The following MTA3 variants were observed in gnomAD, a reference collection of about 807,000 sequenced individuals.
The protein encoded by MTA3 is metastasis-associated protein MTA3.
MTA3 carries 34 observed loss-of-function variants against 83.5 expected under a neutral mutation model. That is an observed-to-expected ratio of 0.41 (90% CI 0.31 to 0.54). The LOEUF is 0.54. MTA3 is among the 20% of genes least tolerant of loss of function. The pLI, the probability that MTA3 is intolerant of heterozygous loss-of-function variation, is 0.33. For missense variants in MTA3, 761 were observed against 726.4 expected, an observed-to-expected ratio of 1.05 and a Z score of -0.55; for synonymous variants, 303 against 252.7, an observed-to-expected ratio of 1.20 and a Z score of -1.89.
In MTA3 at chr2:42,695,854, A is replaced by T; in HGVS notation, c.966+15A>T. The stretch of plus-strand genomic sequence containing the variant: ...ATGTGCAACAGGTAATTTTTTTCAT[A>T]TTGCTACCAATATGGTTGCATTTAA... On this transcript the variant is annotated intron_variant, in intron 10 of 16. Transcript: ENST00000405094. The T allele has an allele frequency of 6.7e-7, 1 of 1,490,964 alleles. No individual in the cohort carries two copies. Among genetic ancestry groups the T allele is most frequent in the Admixed American group, 2.0e-5 (1 of 50,148 alleles). The allele number at this position is 1,490,964 out of a possible 1,614,324, so 92.4% of individuals were successfully genotyped here. A position where few individuals can be genotyped will look rare whatever the true frequency, so the allele number is the denominator to read the frequency against.
chr2:42,594,728 A>ACATATTTTT (rs1681523809), intron 3 of MTA3, among the ~76,000 whole-genome samples: 1 of 24,044 alleles, frequency 4.2e-5, no homozygotes, highest in Non-Finnish European at 6.5e-5. Context: ...ATATATATAT[A>ACATATTTTT]TTTTTTTTTT....
intron 2 of MTA3, among the ~76,000 whole-genome samples, chr2:42,525,958 C>A (rs553226443): frequency 6.6e-6 from 1 of 151,816 alleles, no homozygotes; most frequent in South Asian, 2.1e-4. Context: ...CCGCGCCTGC[C>A]CTAGCACTTC....
At chr2:42,652,022 G>A (rs540671454) in intron 6 of MTA3, among the ~76,000 whole-genome samples, 102 of 152,180 alleles carry the variant, frequency 6.7e-4, no homozygotes, top group Middle Eastern at 3.4e-3. Context: ...ACTTGAACCC[G>A]GGAGGTGGAA....
At chr2:42,531,620 T>C (rs1183121325) in intron 2 of MTA3, among the ~76,000 whole-genome samples, 2 of 145,980 alleles carry the variant, frequency 1.4e-5, no homozygotes, top group African/African-American at 5.1e-5. Flanking sequence ...ACCCAGCTAA[T>C]TTTGGTATTT....
At chr2:42,538,519 C>A (rs1435711046) in intron 2 of MTA3, among the ~76,000 whole-genome samples, 1 of 151,768 alleles carries the variant, frequency 6.6e-6, no homozygotes, top group African/African-American at 2.4e-5. Flanking sequence ...ACCAGCCTGG[C>A]CAACATGGTG....
chr2:42,635,316 T>A (rs1687078274), intron 4 of MTA3, among the ~76,000 whole-genome samples: 1 of 152,198 alleles, frequency 6.6e-6, no homozygotes, highest in Non-Finnish European at 1.5e-5. Context: ...CTGTTCTTTA[T>A]ACAAAGAAAT....
At chr2:42,618,889 G>C (rs1685220630) in intron 4 of MTA3, among the ~76,000 whole-genome samples, 1 of 152,188 alleles carries the variant, frequency 6.6e-6, no homozygotes, top group South Asian at 2.1e-4. Context: ...GGGATTACAG[G>C]TGTGAGCCAG....
intron 8 of MTA3, among the ~76,000 whole-genome samples, chr2:42,662,316 A>G (rs1365265312): frequency 1.3e-5 from 2 of 151,846 alleles, no homozygotes; most frequent in Non-Finnish European, 2.9e-5. Context: ...GGCTATAACT[A>G]GAGTTATATT....
intron 16 of MTA3, among the ~76,000 whole-genome samples, chr2:42,740,035 C>G (rs1279781255): frequency 2.6e-5 from 4 of 152,202 alleles, no homozygotes; most frequent in Non-Finnish European, 4.4e-5. Context: ...TTCTTCTGAA[C>G]TCCTGTTAGT....
chr2:42,523,382 A>C (rs1676187020), intron 2 of MTA3, among the ~76,000 whole-genome samples: 1 of 152,124 alleles, frequency 6.6e-6, no homozygotes. Flanking sequence ...CCAGGCCCTT[A>C]ATTGAACGGC....
intron 2 of MTA3, among the ~76,000 whole-genome samples, chr2:42,553,791 T>C (rs1490127601): frequency 6.8e-6 from 1 of 147,230 alleles, no homozygotes; most frequent in Non-Finnish European, 1.5e-5. Flanking sequence ...TACTTGAGAC[T>C]TCTTTGAAAT....
intron 2 of MTA3, among the ~76,000 whole-genome samples, chr2:42,529,730 T>C (rs1675870840): frequency 6.6e-6 from 1 of 152,166 alleles, no homozygotes; most frequent in Admixed American, 6.5e-5. Flanking sequence ...CATCTGAATT[T>C]CCCTGCCCTA....
chr2:42,602,963 G>A (rs2104011012), intron 3 of MTA3, among the ~76,000 whole-genome samples: 1 of 152,210 alleles, frequency 6.6e-6, no homozygotes, highest in Middle Eastern at 3.4e-3. Context: ...TGCTTCCAGA[G>A]TATGCTGTGT....
At chr2:42,553,221 C>T (rs1038542695) in intron 2 of MTA3, among the ~76,000 whole-genome samples, 5 of 151,384 alleles carry the variant, frequency 3.3e-5, no homozygotes, top group Non-Finnish European at 7.4e-5. Flanking sequence ...GTCAGGAGAT[C>T]GAGACAATCC....
chr2:42,568,038 G>A (rs1303365721), upstream of MTA3: 1 of 152,274 alleles, frequency 6.6e-6, no homozygotes, highest in African/African-American at 2.4e-5. Flanking sequence ...GTCCCCAGCT[G>A]GGTCTCTGGC....
At chr2:42,590,042 C>T (rs938908575) in intron 3 of MTA3, among the ~76,000 whole-genome samples, 4 of 152,126 alleles carry the variant, frequency 2.6e-5, no homozygotes, top group Non-Finnish European at 4.4e-5. Flanking sequence ...TCAGGCAGAT[C>T]AGTAGGAGCA....
chr2:42,700,554 C>G (rs1457120951), intron 11 of MTA3, among the ~76,000 whole-genome samples: 1 of 152,116 alleles, frequency 6.6e-6, no homozygotes, highest in Non-Finnish European at 1.5e-5. Context: ...CTCAACTGTA[C>G]ATTTGTATTA....
At chr2:42,630,887 C>T (rs1200326437) in intron 4 of MTA3, among the ~76,000 whole-genome samples, 1 of 151,962 alleles carries the variant, frequency 6.6e-6, no homozygotes, top group Non-Finnish European at 1.5e-5. Context: ...CTATTGAGAC[C>T]TTTTTTGCTA....
At chr2:42,705,339 G>C (rs950099158) in intron 12 of MTA3, among the ~76,000 whole-genome samples, 1 of 152,216 alleles carries the variant, frequency 6.6e-6, no homozygotes, top group African/African-American at 2.4e-5. Flanking sequence ...CTTGGATTTT[G>C]TAGTTCATGT....
Sources: gnomAD v4.1 joint callset for allele counts (sites outside exome capture counted in the v4.1 genomes callset) on GRCh38, gnomAD v4.1.1 for gene constraint, MANE v1.5 for transcripts, NCBI Gene and HGNC (gene_info 2026-07-23, HGNC 2026-07-21) for gene names.